Variants in PDE4D observed in about 807,000 individuals in gnomAD.
PDE4D encodes the protein phosphodiesterase 4D.
A neutral mutation model predicts 87.4 loss-of-function variants in PDE4D; 24 were observed. The observed-to-expected ratio is 0.27, with a 90% CI of 0.20 to 0.39. The LOEUF (loss-of-function observed/expected upper bound fraction) is 0.39. Ranked by LOEUF, PDE4D falls within the 10% of genes least tolerant of loss-of-function variation. The probability of loss-of-function intolerance (pLI) is 1.00; values close to 1 mark genes in which losing one functional copy is unlikely to be tolerated. For missense variants in PDE4D, 714 were observed against 1,041.0 expected, an observed-to-expected ratio of 0.69 and a Z score of 4.32; for synonymous variants, 384 against 383.2, an observed-to-expected ratio of 1.00 and a Z score of -0.02.
intron 1 of PDE4D, among the ~76,000 whole-genome samples, chr5:60,482,514 A>G (rs1748813137): frequency 6.6e-6 from 1 of 152,166 alleles, no homozygotes; most frequent in African/African-American, 2.4e-5. Flanking sequence ...GACTTCTATG[A>G]GTTTTCTCCT....
intron 5 of PDE4D, among the ~76,000 whole-genome samples, chr5:59,180,167 C>T (rs866579929): frequency 2.6e-5 from 4 of 152,286 alleles, no homozygotes; most frequent in South Asian, 4.1e-4. Context: ...TTGCTTCCTA[C>T]ACACAAGTGG....
At chr5:59,652,025 C>G (rs1463071860) in intron 1 of PDE4D, among the ~76,000 whole-genome samples, 1 of 152,212 alleles carries the variant, frequency 6.6e-6, no homozygotes, top group Non-Finnish European at 1.5e-5. Flanking sequence ...GGACAACTCT[C>G]AAGGGCATGC....
At chr5:60,171,165 C>A (rs1783392187) in intron 2 of PDE4D, among the ~76,000 whole-genome samples, 1 of 151,914 alleles carries the variant, frequency 6.6e-6, no homozygotes, top group East Asian at 1.9e-4. Context: ...GCTAGTTAAG[C>A]AAAAATAGTA....
intron 1 of PDE4D, among the ~76,000 whole-genome samples, chr5:60,445,303 G>T (rs1162721387): frequency 2.0e-5 from 3 of 152,022 alleles, no homozygotes; most frequent in Non-Finnish European, 4.4e-5. Flanking sequence ...AACAAAAAGA[G>T]AAATCAATGA....
chr5:59,283,070 A>G (rs1766164008), intron 1 of PDE4D, among the ~76,000 whole-genome samples: 1 of 152,206 alleles, frequency 6.6e-6, no homozygotes, highest in Admixed American at 6.5e-5. Context: ...CCCTGGCTTC[A>G]GTTTCCTCAG....
At chr5:59,383,087 C>G (rs1253948601) in intron 1 of PDE4D, among the ~76,000 whole-genome samples, 2 of 152,052 alleles carry the variant, frequency 1.3e-5, no homozygotes, top group Non-Finnish European at 2.9e-5. Context: ...ATAGTGTGAC[C>G]AAGTTGGTTT....
intron 1 of PDE4D, among the ~76,000 whole-genome samples, chr5:59,749,312 G>C (rs1467340036): frequency 6.6e-6 from 1 of 152,150 alleles, no homozygotes; most frequent in Non-Finnish European, 1.5e-5. Flanking sequence ...CCAGGCTGGA[G>C]TGCAGTGGCA....
chr5:60,127,239 A>C (rs1779193662), intron 2 of PDE4D, among the ~76,000 whole-genome samples: 1 of 152,174 alleles, frequency 6.6e-6, no homozygotes, highest in Non-Finnish European at 1.5e-5. Context: ...GGCTGGAGAC[A>C]AGGTGTGATT....
chr5:59,717,344 C>T (rs1755179535), intron 1 of PDE4D, among the ~76,000 whole-genome samples: 1 of 152,152 alleles, frequency 6.6e-6, no homozygotes, highest in Non-Finnish European at 1.5e-5. Flanking sequence ...GGATGCATAA[C>T]TTCAGAGAAA....
intron 1 of PDE4D, among the ~76,000 whole-genome samples, chr5:59,759,985 C>T (rs748518164): frequency 1.3e-5 from 2 of 152,174 alleles, no homozygotes; most frequent in African/African-American, 2.4e-5. Flanking sequence ...AGAGAAATCA[C>T]TAAATAATGG....
intron 5 of PDE4D, among the ~76,000 whole-genome samples, chr5:59,136,758 T>C (rs577465539): frequency 2.6e-5 from 4 of 152,362 alleles, no homozygotes; most frequent in African/African-American, 9.6e-5. Context: ...TATCCTGCTC[T>C]GTCACATAAC....
intron 3 of PDE4D, among the ~76,000 whole-genome samples, chr5:59,919,426 C>G (rs1754428277): frequency 6.6e-6 from 1 of 152,132 alleles, no homozygotes; most frequent in African/African-American, 2.4e-5. Context: ...TTTATTCTTT[C>G]ATTAGATATG....
At chr5:59,317,893 G>A (rs181479396) in intron 1 of PDE4D, among the ~76,000 whole-genome samples, 8 of 152,232 alleles carry the variant, frequency 5.3e-5, no homozygotes, top group East Asian at 1.9e-4. Context: ...CCTCTGTTAC[G>A]ATGGTTGACT....
intron 1 of PDE4D, chr5:59,430,378 T>C: frequency 8.1e-7 from 1 of 1,231,328 alleles, no homozygotes; most frequent in East Asian, 3.2e-5. Context: ...TCTAGCCACC[T>C]TCCCCAGAGT....
At chr5:59,928,288 G>A (rs192961517) in intron 3 of PDE4D, among the ~76,000 whole-genome samples, 2 of 152,312 alleles carry the variant, frequency 1.3e-5, no homozygotes, top group Admixed American at 1.3e-4. Context: ...GTTTCAACAA[G>A]TTTTGAGCTT....
At chr5:59,371,857 C>A (rs903440033) in intron 1 of PDE4D, among the ~76,000 whole-genome samples, 3 of 152,154 alleles carry the variant, frequency 2.0e-5, no homozygotes, top group African/African-American at 7.2e-5. Context: ...GGGCAAAATG[C>A]AAACTGCAGT....
intron 1 of PDE4D, among the ~76,000 whole-genome samples, chr5:59,817,725 C>T (rs149241224): frequency 2.0e-5 from 3 of 151,468 alleles, no homozygotes; most frequent in South Asian, 2.1e-4. Context: ...GGCACGCGCG[C>T]GCGCGCACAC....
At position 59,038,889 on chromosome 5, in the gene PDE4D, C is replaced by A; in HGVS notation, c.891G>T (p.Arg297Ser). ...TGGAGGCCATCTCACTGACGGAGTG[C>A]CTGGTCTGTAGGGTCTCTAGCTGGT... ...CLDQLETLQT[R>S]HSVSEMASNK... The change falls in exon 6 of 15, where the codon AGG becomes AGT. Residue 297 changes from arginine (R) to serine (S), a missense_variant. Arg to Ser is a moderately radical substitution (Grantham distance 110). This residue lies in a region of PDE4D where 90 missense variants were observed against 177.6 expected (regional missense o/e 0.51). Transcript: ENST00000340635. The A allele has an allele frequency of 6.3e-7, 1 of 1,589,566 alleles. No individual in the cohort carries two copies. Among genetic ancestry groups the A allele is most frequent in the Non-Finnish European group, 8.6e-7 (1 of 1,167,938 alleles).
At chr5:59,918,804 C>T (rs1417411949) in intron 3 of PDE4D, among the ~76,000 whole-genome samples, 1 of 152,100 alleles carries the variant, frequency 6.6e-6, no homozygotes, top group African/African-American at 2.4e-5. Context: ...GGAGTTGATC[C>T]ATCACCAGTG....
Sources: gnomAD v4.1 joint callset for allele counts (sites outside exome capture counted in the v4.1 genomes callset) on GRCh38, gnomAD v4.1.1 for gene constraint, gnomAD v4.1.1 regional missense constraint, MANE v1.5 for transcripts, NCBI Gene and HGNC (gene_info 2026-07-23, HGNC 2026-07-21) for gene names.